SART3: variants seen among roughly 807,000 people sequenced by gnomAD.
SART3 encodes the protein spliceosome associated factor 3, U4/U6 recycling protein.
SART3 carries 44 observed loss-of-function variants against 122.3 expected under a neutral mutation model. The ratio of observed to expected loss-of-function variants is 0.36; its 90% confidence interval spans 0.28 to 0.46. The LOEUF is 0.46. SART3 is among the 20% of genes least tolerant of loss of function. The pLI is 1.00. For synonymous variants in SART3, 442 were observed against 454.0 expected, an observed-to-expected ratio of 0.97 and a Z score of 0.34; for missense variants, 1,101 against 1,229.0, an observed-to-expected ratio of 0.90 and a Z score of 1.56.
intron 1 of SART3, among the ~76,000 whole-genome samples, chr12:108,559,182 G>C (rs939071159): frequency 6.6e-6 from 1 of 152,032 alleles, no homozygotes; most frequent in Non-Finnish European, 1.5e-5. Flanking sequence ...CAGTGCCAGA[G>C]AGAGTATTAT....
In SART3 at chr12:108,549,124, G is replaced by T. The variant is rs779618466; in HGVS notation, c.403C>A (p.Arg135Ser). The change falls in exon 2 of 19, where the codon CGC becomes AGC. Residue 135 changes from arginine (R) to serine (S), a missense_variant. Around this residue, in one of 2 missense-constraint regions of SART3, gnomAD observed 885 missense variants for 1,080.1 expected, o/e 0.82. Transcript: ENST00000546815. ...GGAAAGATTTCACTCATCTTCTGGC[G>T]GGCCATCCTCACCTTGGTAAGCTCC... is the stretch of plus-strand genomic sequence containing the variant. ...EGELTKVRMA[R>S]QKMSEIFPLT... 2 of 1,614,006 alleles carry T rather than the reference G, an allele frequency of 1.2e-6. No homozygotes were observed. The highest frequency in any genetic ancestry group is 1.3e-5 in the African/African-American group (1 of 74,918).
rs967396031 is a variant in SART3 at position 108,530,393 on chromosome 12, T to C, written c.1747-83A>G. ...ATTTGTCATGAAAGGGGAGAAGGAGTGGAAATTCATTACTAATGAAAAGCA... is the reference window on the plus strand; with the variant it reads ...ATTTGTCATGAAAGGGGAGAAGGAGCGGAAATTCATTACTAATGAAAAGCA... On this transcript the variant is annotated intron_variant, in intron 14 of 18. Transcript: ENST00000546815. 10 of 1,466,670 alleles carry C rather than the reference T, an allele frequency of 6.8e-6. No homozygotes were observed. In the African/African-American group the frequency reaches 1.1e-4, roughly 16 times the overall value. The allele number at this position is 1,466,670 out of a possible 1,614,324, so 90.9% of individuals were successfully genotyped here.
chr12:108,529,534 G>A (rs1872551771), intron 15 of SART3, among the ~76,000 whole-genome samples: 2 of 152,350 alleles, frequency 1.3e-5, no homozygotes, highest in South Asian at 2.1e-4. Context: ...GGACATAGAA[G>A]CCTGTGTGAA....
At chr12:108,559,319 T>C (rs995483242) in intron 1 of SART3, among the ~76,000 whole-genome samples, 1 of 152,204 alleles carries the variant, frequency 6.6e-6, no homozygotes, top group Non-Finnish European at 1.5e-5. Context: ...TATGAATAAC[T>C]TAAAGGAAAT....
At chr12:108,536,324 T>C (rs780726024) in intron 11 of SART3, among the ~76,000 whole-genome samples, 190 bp downstream of exon 11, 9 of 152,238 alleles carry the variant, frequency 5.9e-5, no homozygotes, top group Non-Finnish European at 1.2e-4. Context: ...CCAACATATT[T>C]ACAAATATAT....
intron 13 of SART3, 160 bp from the exon 14 acceptor site, chr12:108,531,440 C>T: frequency 1.6e-6 from 1 of 642,586 alleles, no homozygotes; most frequent in Non-Finnish European, 2.8e-6. Context: ...TTCAAATAGT[C>T]CTTCTAAGTG....
Position 108,539,014 on chromosome 12 carries a change from G to A in SART3, c.982C>T (p.Arg328Cys), listed in dbSNP as rs774383509. 6 of 1,614,190 alleles carry A rather than the reference G, an allele frequency of 3.7e-6. No homozygotes were observed. The highest frequency in any genetic ancestry group is 1.1e-5 in the South Asian group (1 of 91,076). ...GCGCGCTCAAAGATCAACTGAATGC[G>A]AGCAGGATCGCCAATTTTCATCTCA... Reference protein sequence around the residue: ...DFEMKIGDPARIQLIFERALV... With the variant: ...DFEMKIGDPACIQLIFERALV... The change falls in exon 7 of 19, where the codon CGC (arginine) becomes TGC (cysteine). Residue 328 changes from arginine to cysteine, a missense_variant. Transcript: ENST00000546815.
In SART3 at chr12:108,526,315, C is replaced by T. The variant is rs764331130; in HGVS notation, c.2154G>A (p.Pro718=). 11 of 1,614,086 alleles carry T rather than the reference C, an allele frequency of 6.8e-6. No homozygotes were observed. The highest frequency in any genetic ancestry group is 1.6e-4 in the Middle Eastern group (1 of 6,084). ...VSNLPYSMQE[P]DTKLRPLFEA... Reference sequence around the variant, plus strand: ...CGAAGAGTGGCCTGAGCTTCGTGTCCGGCTCCTGCATGCTGTAGGGCAGGT... The same window carrying T: ...CGAAGAGTGGCCTGAGCTTCGTGTCTGGCTCCTGCATGCTGTAGGGCAGGT... Residue 718 remains proline, a synonymous_variant, in exon 16 of 19, where the codon CCG becomes CCA. Coordinates refer to ENST00000546815, the MANE Select transcript of SART3 (RefSeq NM_014706.4).
At chr12:108,546,966 C>T (rs1229930886) in intron 3 of SART3, among the ~76,000 whole-genome samples, 1 of 152,038 alleles carries the variant, frequency 6.6e-6, no homozygotes, top group Admixed American at 6.5e-5. Flanking sequence ...ATTACAGGTA[C>T]GTGCCACCAT....
chr12:108,549,369 G>C, intron 1 of SART3, 155 bp from the exon 2 acceptor site: 1 of 710,878 alleles, frequency 1.4e-6, no homozygotes. Flanking sequence ...GTACCCACAG[G>C]TAGAAGACAA....
At position 108,544,502 on chromosome 12, in the gene SART3, G is replaced by A. The variant is rs200258591; in HGVS notation, c.730-24C>T. 194 of 1,614,172 alleles carry A rather than the reference G, an allele frequency of 1.2e-4. 1 individual carries two copies. The highest frequency in any genetic ancestry group is 2.3e-4 in the Admixed American group (14 of 60,018). Reference sequence around the variant, plus strand: ...AGCTGTGAATCAAAGGTTTGTTCCCGGTCAAAAGGGGAAAGGAAGCCAGCT... The same window carrying A: ...AGCTGTGAATCAAAGGTTTGTTCCCAGTCAAAAGGGGAAAGGAAGCCAGCT... On this transcript the variant is annotated intron_variant, in intron 4 of 18. Coordinates refer to ENST00000546815, the MANE Select transcript of SART3 (RefSeq NM_014706.4).
chr12:108,540,624 G>C (rs535852762), intron 6 of SART3, among the ~76,000 whole-genome samples: 1 of 135,686 alleles, frequency 7.4e-6, no homozygotes, highest in Non-Finnish European at 1.6e-5. Flanking sequence ...TTCTAAATCC[G>C]ATGGAAGCAT....
chr12:108,533,439 C>A (rs1872774217), intron 12 of SART3, among the ~76,000 whole-genome samples: 1 of 149,126 alleles, frequency 6.7e-6, no homozygotes, highest in East Asian at 2.0e-4. Context: ...CTAATCAAGT[C>A]ATTTTTTTCA....
intron 1 of SART3, among the ~76,000 whole-genome samples, chr12:108,552,909 G>C (rs1417872585): frequency 1.3e-5 from 2 of 152,014 alleles, no homozygotes; most frequent in African/African-American, 4.8e-5. Flanking sequence ...GAATAAAGTG[G>C]GAGTAATCAC....
Position 108,526,522 on chromosome 12 carries a change from G to A in SART3, c.1947C>T (p.Asn649=), listed in dbSNP as rs140926080. ...EQPSKRRRVE[N]SIPAAGETQN... is the part of the protein sequence containing the mutation. ...GTGTTTCTCCAGCTGCAGGGATGCT[G>A]TTCTCGACCCTTCTGCGTTTGGAAG... Residue 649 remains asparagine (N), a synonymous_variant, in exon 16 of 19, where the codon AAC becomes AAT. Coordinates refer to ENST00000546815, the MANE Select transcript of SART3 (RefSeq NM_014706.4). 6 of 1,613,986 alleles carry A rather than the reference G, an allele frequency of 3.7e-6. No individual in the cohort carries two copies. Among genetic ancestry groups the A allele is most frequent in the Non-Finnish European group, 5.1e-6 (6 of 1,180,050 alleles).
intron 15 of SART3, 67 bp from the exon 16 acceptor site, chr12:108,526,620 GGT>G: frequency 6.5e-7 from 1 of 1,538,628 alleles, no homozygotes. Context: ...CTTGAACAGA[GGT>G]GTGAAGTGAA....
At chr12:108,544,235 C>G (rs1873302060) in intron 5 of SART3, among the ~76,000 whole-genome samples, 192 bp downstream of exon 5, 1 of 152,188 alleles carries the variant, frequency 6.6e-6, no homozygotes, top group Non-Finnish European at 1.5e-5. Flanking sequence ...CTGACCCTCA[C>G]AACCCTCTTA....
chr12:108,525,520 G>T lies in SART3; in HGVS notation c.2460C>A (p.Ile820=), dbSNP rs374432075. The T allele has an allele frequency of 6.2e-7, 1 of 1,614,196 alleles. No homozygotes were observed. Among genetic ancestry groups the T allele is most frequent in the South Asian group, 1.1e-5 (1 of 91,080 alleles). ...FSCTKEELEE[I]CKAHGTVKDL... ...CCTTCACGGTGCCATGAGCCTTACA[G>T]ATTTCTTCTAGTTCCTCTTTAGTAC... is the stretch of plus-strand genomic sequence containing the variant. Residue 820 remains isoleucine (I), a synonymous_variant, in exon 17 of 19, where the codon ATC becomes ATA. Transcript: ENST00000546815.
Position 108,548,069 on chromosome 12 carries a change from T to C in SART3, c.440-78A>G, listed in dbSNP as rs146086380. The C allele has an allele frequency of 1.1e-5, 13 of 1,218,564 alleles. No individual in the cohort carries two copies. The East Asian group carries it at 2.4e-4, about 22-fold the overall frequency. 75.5% of individuals were successfully genotyped at this position (1,218,564 alleles called of 1,614,324 possible). A position where few individuals can be genotyped will look rare whatever the true frequency, so the allele number is the denominator to read the frequency against. On this transcript the variant is annotated intron_variant, in intron 2 of 18. Transcript: ENST00000546815. ...GGGACTTTACCAAGAGACATCAGCA[T>C]GCAAACGTTTCATCCATCTTACACA...
Sources: allele counts gnomAD v4.1 joint callset (sites outside exome capture counted in the v4.1 genomes callset), GRCh38; gene constraint gnomAD v4.1.1; regional missense constraint gnomAD v4.1.1; transcripts MANE v1.5; gene names NCBI Gene and HGNC (gene_info 2026-07-23, HGNC 2026-07-21).